MIPOL1: variants seen among roughly 807,000 people sequenced by gnomAD.
MIPOL1 encodes mirror-image polydactyly gene 1 protein.
In MIPOL1, 57 loss-of-function variants were observed where a neutral mutation model predicts 60.9. The observed-to-expected ratio is 0.94, with a 90% CI of 0.76 to 1.17. MIPOL1 has a LOEUF of 1.17. Ranked by LOEUF, MIPOL1 falls within the 50% of genes most tolerant of loss-of-function variation. The pLI is 0.00. For synonymous variants in MIPOL1, 179 were observed against 168.8 expected, an observed-to-expected ratio of 1.06 and a Z score of -0.47; for missense variants, 551 against 511.6, an observed-to-expected ratio of 1.08 and a Z score of -0.74.
At chr14:37,294,967 C>T (rs1004467912) in intron 7 of MIPOL1, among the ~76,000 whole-genome samples, 1 of 152,128 alleles carries the variant, frequency 6.6e-6, no homozygotes, top group African/African-American at 2.4e-5. Flanking sequence ...CACAAAGATA[C>T]TCCTCAAGAA....
At chr14:37,309,348 C>T (rs1486927455) in intron 9 of MIPOL1, among the ~76,000 whole-genome samples, 1 of 152,002 alleles carries the variant, frequency 6.6e-6, no homozygotes, top group African/African-American at 2.4e-5. Context: ...GACTGTACCA[C>T]CCAGTGCACA....
intron 9 of MIPOL1, among the ~76,000 whole-genome samples, chr14:37,365,875 C>T (rs1026164700): frequency 4.6e-5 from 7 of 152,062 alleles, no homozygotes; most frequent in South Asian, 2.1e-4. Flanking sequence ...ATTATGGCTT[C>T]GATTTCTTTA....
At chr14:37,240,969 A>G (rs1972265963) in intron 1 of MIPOL1, among the ~76,000 whole-genome samples, 1 of 149,046 alleles carries the variant, frequency 6.7e-6, no homozygotes, top group Admixed American at 6.7e-5. Context: ...ACACACACAC[A>G]GGTTTATTAT....
chr14:37,278,680 T>C (rs1285581077), intron 6 of MIPOL1: 1 of 151,912 alleles, frequency 6.6e-6, no homozygotes, highest in African/African-American at 2.4e-5. Context: ...CTGTGAAATG[T>C]CTATCCTCCC....
intron 12 of MIPOL1, among the ~76,000 whole-genome samples, chr14:37,516,214 A>G (rs1566756783): frequency 6.6e-6 from 1 of 152,218 alleles, no homozygotes; most frequent in Non-Finnish European, 1.5e-5. Flanking sequence ...TCATTTTTAA[A>G]TGAGTATACA....
At chr14:37,456,025 A>C (rs547293839) in intron 11 of MIPOL1, among the ~76,000 whole-genome samples, 1 of 152,080 alleles carries the variant, frequency 6.6e-6, no homozygotes, top group Non-Finnish European at 1.5e-5. Flanking sequence ...AAATTGCAAA[A>C]ATATAGGATG....
chr14:37,267,088 C>T lies in MIPOL1; in HGVS notation c.170C>T (p.Pro57Leu), dbSNP rs1460919234. 1 of 1,613,816 alleles carries T rather than the reference C, an allele frequency of 6.2e-7. No homozygotes were observed. The highest frequency in any genetic ancestry group is 1.3e-5 in the African/African-American group (1 of 74,902). ...NEITCENTEW[P>L]GQRSTNFQII... ...ATAACATGTGAGAACACAGAATGGC[C>T]AGGGCAGAGATCAACGAATTTTCAG... Residue 57 changes from proline (P) to leucine (L), a missense_variant, in exon 4 of 13, where the codon CCA (proline) becomes CTA (leucine). Transcript: ENST00000684589.
chr14:37,345,383 G>A (rs570986068), intron 9 of MIPOL1, among the ~76,000 whole-genome samples: 8 of 152,286 alleles, frequency 5.3e-5, no homozygotes, highest in Non-Finnish European at 1.2e-4. Flanking sequence ...GGGATTACAG[G>A]CAAGAACCGT....
chr14:37,406,910 A>G (rs1409242894), intron 10 of MIPOL1, among the ~76,000 whole-genome samples: 1 of 152,104 alleles, frequency 6.6e-6, no homozygotes, highest in Non-Finnish European at 1.5e-5. Flanking sequence ...GTTGGAGTCA[A>G]GAAGTCTCAG....
chr14:37,431,535 A>T (rs1338744159), intron 11 of MIPOL1, among the ~76,000 whole-genome samples: 1 of 145,748 alleles, frequency 6.9e-6, no homozygotes, highest in African/African-American at 2.6e-5. Flanking sequence ...TGTAACGTTC[A>T]TGAACTTCCT....
intron 10 of MIPOL1, among the ~76,000 whole-genome samples, chr14:37,403,080 C>G (rs1409209609): frequency 6.6e-6 from 1 of 152,178 alleles, no homozygotes; most frequent in Admixed American, 6.5e-5. Context: ...TTCCCAATAT[C>G]AGGGTGGAAG....
chr14:37,531,192 T>C (rs1368454548), intron 12 of MIPOL1, among the ~76,000 whole-genome samples: 1 of 152,120 alleles, frequency 6.6e-6, no homozygotes, highest in Non-Finnish European at 1.5e-5. Flanking sequence ...TGTAAATCTT[T>C]GCTTATTTGC....
At chr14:37,395,413 C>G (rs2153524003) in intron 10 of MIPOL1, among the ~76,000 whole-genome samples, 1 of 152,248 alleles carries the variant, frequency 6.6e-6, no homozygotes, top group East Asian at 1.9e-4. Context: ...TTTGTGTCAT[C>G]TATGATTTCT....
chr14:37,491,133 C>G (rs1594690044), intron 11 of MIPOL1, among the ~76,000 whole-genome samples: 1 of 152,170 alleles, frequency 6.6e-6, no homozygotes, highest in South Asian at 2.1e-4. Flanking sequence ...TGTCCTACCA[C>G]TCTGCTTCCC....
intron 9 of MIPOL1, among the ~76,000 whole-genome samples, chr14:37,353,984 T>C (rs185336031): frequency 1.4e-3 from 219 of 152,218 alleles, no homozygotes; most frequent in African/African-American, 4.8e-3. Context: ...TTCTGGTTTT[T>C]TTAATTGTGA....
At chr14:37,526,566 A>G (rs2095448898) in intron 12 of MIPOL1, among the ~76,000 whole-genome samples, 1 of 144,628 alleles carries the variant, frequency 6.9e-6, no homozygotes, top group Non-Finnish European at 1.5e-5. Flanking sequence ...TTTTTTTAGT[A>G]GAGACGGGGT....
chr14:37,230,303 T>C (rs1229673378), intron 1 of MIPOL1, among the ~76,000 whole-genome samples: 1 of 152,142 alleles, frequency 6.6e-6, no homozygotes, highest in Non-Finnish European at 1.5e-5. Flanking sequence ...ATAAAAAAAG[T>C]TTTGCTATGT....
intron 11 of MIPOL1, among the ~76,000 whole-genome samples, chr14:37,461,093 C>A (rs2094533569): frequency 6.6e-6 from 1 of 152,168 alleles, no homozygotes; most frequent in Admixed American, 6.6e-5. Flanking sequence ...CATCACATTA[C>A]CTGACTTCAA....
At chr14:37,448,194 T>C (rs1272406922) in intron 11 of MIPOL1, among the ~76,000 whole-genome samples, 1 of 152,206 alleles carries the variant, frequency 6.6e-6, no homozygotes, top group African/African-American at 2.4e-5. Flanking sequence ...TAGGTGCTAA[T>C]AGTCCTTTAT....
Sources: gnomAD v4.1 joint callset for allele counts (sites outside exome capture counted in the v4.1 genomes callset) on GRCh38, gnomAD v4.1.1 for gene constraint, MANE v1.5 for transcripts, NCBI Gene and HGNC (gene_info 2026-07-23, HGNC 2026-07-21) for gene names.